Variants in TAB2 observed in about 807,000 individuals in gnomAD.
The protein encoded by TAB2 is TGF-beta-activated kinase 1 and MAP3K7-binding protein 2.
A neutral mutation model predicts 65.0 loss-of-function variants in TAB2; 3 were observed. The observed-to-expected ratio is 0.05, with a 90% CI of 0.02 to 0.12. TAB2 has a LOEUF of 0.12. Among genes scored for constraint, TAB2 ranks in the 10% least tolerant of loss-of-function variants. The probability of loss-of-function intolerance (pLI) is 1.00; values close to 1 mark genes in which losing one functional copy is unlikely to be tolerated. For missense variants in TAB2, 623 were observed against 840.3 expected (o/e 0.74, Z 3.20); for synonymous variants, 298 against 285.1 (o/e 1.05, Z -0.46).
intron 1 of TAB2, among the ~76,000 whole-genome samples, chr6:149,252,658 C>T (rs893011303): frequency 6.6e-6 from 1 of 151,998 alleles, no homozygotes. Context: ...ATCTTGACGC[C>T]CCTTAAACTT....
intron 1 of TAB2, among the ~76,000 whole-genome samples, chr6:149,241,064 T>C (rs1409915309): frequency 1.3e-5 from 2 of 151,078 alleles, no homozygotes; most frequent in South Asian, 4.2e-4. Context: ...AAAAAAGAGG[T>C]CAAAAAAGAG....
chr6:149,375,963 CA>C lies in TAB2; in HGVS notation c.103-2053del, dbSNP rs1223443032. 3.3e-5 allele frequency among the ~76,000 whole-genome samples: 5 copies of C among 152,226 alleles called. No individual in the cohort carries two copies. In the East Asian group the frequency reaches 9.7e-4, roughly 29 times the overall value. On this transcript the variant is annotated intron_variant, in intron 2 of 6. Transcript: ENST00000637181. ...AACTGTCATTTCCTTAACAAGGCAT[CA>C]AGATGCCTTTTTAGTCCACTTCTTT...
At chr6:149,224,848 A>G (rs936860469) in intron 1 of TAB2, among the ~76,000 whole-genome samples, 2 of 152,220 alleles carry the variant, frequency 1.3e-5, no homozygotes, top group Non-Finnish European at 2.9e-5. Context: ...AGAACTGACA[A>G]AGGAATTAAG....
At chr6:149,344,519 A>G (rs1017823587) in intron 1 of TAB2, among the ~76,000 whole-genome samples, 5 of 152,182 alleles carry the variant, frequency 3.3e-5, no homozygotes, top group African/African-American at 1.2e-4. Context: ...TATTTAATAT[A>G]TTATAGAAAT....
At chr6:149,403,468 T>A (rs1450566698) in intron 6 of TAB2, among the ~76,000 whole-genome samples, 1 of 151,328 alleles carries the variant, frequency 6.6e-6, no homozygotes, top group African/African-American at 2.4e-5. Context: ...GCTTTCCCAC[T>A]AAGATCTGGC....
At chr6:149,361,481 G>T (rs528285079) in intron 1 of TAB2, among the ~76,000 whole-genome samples, 2 of 152,316 alleles carry the variant, frequency 1.3e-5, no homozygotes, top group South Asian at 2.1e-4. Flanking sequence ...GCAGGGCTGG[G>T]CCTGGCCACC....
intron 1 of TAB2, among the ~76,000 whole-genome samples, chr6:149,253,921 C>CGAAAGAAAGAAA (rs375406263): frequency 0.011 from 815 of 74,748 alleles, 24 homozygotes; most frequent in Non-Finnish European, 0.014. Flanking sequence ...GACTCCATCT[C>CGAAAGAAAGAAA]GAAAGAAAGA....
At chr6:149,343,532 G>A (rs140918071) in intron 1 of TAB2, among the ~76,000 whole-genome samples, 1 of 151,688 alleles carries the variant, frequency 6.6e-6, no homozygotes, top group East Asian at 1.9e-4. Flanking sequence ...TATTATTTCT[G>A]GATAGAACCG....
intron 3 of TAB2, among the ~76,000 whole-genome samples, chr6:149,382,750 C>T (rs759601536): frequency 1.3e-5 from 2 of 152,132 alleles, no homozygotes; most frequent in Non-Finnish European, 1.5e-5. Context: ...TGGTACAACA[C>T]TGTGGGGGCC....
At chr6:149,254,752 T>C (rs1257522065) in intron 1 of TAB2, among the ~76,000 whole-genome samples, 1 of 152,230 alleles carries the variant, frequency 6.6e-6, no homozygotes, top group Non-Finnish European at 1.5e-5. Flanking sequence ...TGATGGAACA[T>C]CATAAATCCA....
At chr6:149,242,957 A>G (rs939982173) in intron 1 of TAB2, among the ~76,000 whole-genome samples, 13 of 152,168 alleles carry the variant, frequency 8.5e-5, no homozygotes, top group Non-Finnish European at 1.8e-4. Flanking sequence ...TCACCTTGCT[A>G]TAAACTGAAA....
intron 1 of TAB2, among the ~76,000 whole-genome samples, chr6:149,357,430 A>AAAAAAAAAAAAACACACACACACAC: frequency 1.8e-5 from 2 of 111,186 alleles, no homozygotes; most frequent in African/African-American, 6.8e-5. Context: ...AGAAAAAAAA[A>AAAAAAAAAAAAACACACACACACAC]ACACACACAC....
At chr6:149,346,174 C>T (rs1213398259) in intron 1 of TAB2, among the ~76,000 whole-genome samples, 2 of 152,080 alleles carry the variant, frequency 1.3e-5, no homozygotes, top group South Asian at 2.1e-4. Flanking sequence ...AACTCTGATA[C>T]TTTATTAGTA....
rs967535079 is a variant in TAB2, at chr6:149,372,176, A to G, written c.102+2077A>G. Among the ~76,000 whole-genome samples, 5 of 151,002 alleles carry G rather than the reference A, an allele frequency of 3.3e-5. No individual in the cohort carries two copies. In the South Asian group the frequency reaches 8.3e-4, roughly 25 times the overall value. ...GAGCCTTTTGTAGAATTACTTTAAA[A>G]TATTTTCAAAAAAAAAATAGAGCAC... On this transcript the variant is annotated intron_variant, in intron 2 of 6. Transcript: ENST00000637181.
At chr6:149,328,233 A>C (rs896070786) in intron 1 of TAB2, among the ~76,000 whole-genome samples, 6 of 152,212 alleles carry the variant, frequency 3.9e-5, no homozygotes, top group African/African-American at 1.4e-4. Flanking sequence ...GCTTGTGCAG[A>C]ATAGCTGGCT....
At chr6:149,303,174 A>G (rs1006777017) in intron 1 of TAB2, among the ~76,000 whole-genome samples, 4 of 152,224 alleles carry the variant, frequency 2.6e-5, no homozygotes, top group Non-Finnish European at 5.9e-5. Flanking sequence ...ATTCTACATT[A>G]TGGTGAGATG....
chr6:149,296,854 CAG>C (rs536011365), intron 1 of TAB2, among the ~76,000 whole-genome samples: 32 of 152,312 alleles, frequency 2.1e-4, no homozygotes, highest in Non-Finnish European at 4.1e-4. Flanking sequence ...GCATTGAACA[CAG>C]ATATTTCTAG....
intron 2 of TAB2, chr6:149,372,284 A>G (rs1490970661): frequency 6.6e-6 from 1 of 152,228 alleles, no homozygotes; most frequent in African/African-American, 2.4e-5. Context: ...AGAGCAAGAC[A>G]AATAAATATT....
At chr6:149,248,786 C>T (rs1306492334) in intron 1 of TAB2, among the ~76,000 whole-genome samples, 1 of 152,174 alleles carries the variant, frequency 6.6e-6, no homozygotes, top group Non-Finnish European at 1.5e-5. Context: ...GCTGCTGTCC[C>T]TGCCCTGGGC....
Sources: allele counts gnomAD v4.1 joint callset (sites outside exome capture counted in the v4.1 genomes callset), GRCh38; gene constraint gnomAD v4.1.1; transcripts MANE v1.5; gene names NCBI Gene and HGNC (gene_info 2026-07-23, HGNC 2026-07-21).